Variants in CEP290 observed in about 807,000 individuals in gnomAD.
CEP290 encodes the protein centrosomal protein of 290 kDa.
In CEP290, 317 loss-of-function variants were observed where a neutral mutation model predicts 344.9. The ratio of observed to expected loss-of-function variants is 0.92; its 90% CI spans 0.84 to 1.01. The LOEUF (loss-of-function observed/expected upper bound fraction) is 1.01, where lower values mean the gene tolerates loss of function less well. CEP290 is among the 50% of genes least tolerant of loss of function. The probability of loss-of-function intolerance (pLI) is 0.00; values close to 1 mark genes in which losing one functional copy is unlikely to be tolerated. For synonymous variants in CEP290, 932 were observed against 895.8 expected, an observed-to-expected ratio of 1.04 and a Z score of -0.72; for missense variants, 2,754 against 2,761.4, an observed-to-expected ratio of 1.00 and a Z score of 0.06.
chr12:88,131,705 C>G (rs1269208269), intron 6 of CEP290, among the ~76,000 whole-genome samples: 3 of 152,044 alleles, frequency 2.0e-5, no homozygotes, highest in Non-Finnish European at 4.4e-5. Flanking sequence ...ATTTTCAAAA[C>G]TTAAGGATTT....
At chr12:88,059,063 A>T (rs766283104) in intron 48 of CEP290, 43 bp from the exon 49 acceptor site, 30 of 1,461,080 alleles carry the variant, frequency 2.1e-5, no homozygotes, top group Non-Finnish European at 2.8e-5. Flanking sequence ...AAAACATAAT[A>T]CTGTTCTCAT....
chr12:88,134,461 T>C (rs1018427393), intron 6 of CEP290, among the ~76,000 whole-genome samples: 3 of 152,212 alleles, frequency 2.0e-5, no homozygotes, highest in African/African-American at 7.2e-5. Flanking sequence ...GATCATGATA[T>C]CCTGTGCTCA....
intron 5 of CEP290, among the ~76,000 whole-genome samples, chr12:88,138,027 C>T (rs2040438368): frequency 6.6e-6 from 1 of 152,146 alleles, no homozygotes; most frequent in African/African-American, 2.4e-5. Flanking sequence ...CTCCACATAA[C>T]TTTTGTTCTA....
rs1203769698 is a variant in CEP290, at chr12:88,083,933, T to C, written c.4726A>G (p.Lys1576Glu). ...AGAATATGAAGGTCTTCCTCATGTTTCTTCACAATTTCTCTTTGCTCCTGT... is the reference window on the plus strand; with the variant it reads ...AGAATATGAAGGTCTTCCTCATGTTCCTTCACAATTTCTCTTTGCTCCTGT... ...AREEQREIVK[K>E]HEEDLHILHH... The change falls in exon 36 of 54, where the codon AAA becomes GAA. Residue 1576 changes from lysine (K) to glutamate (E), a missense_variant. Lys to Glu is a moderately conservative substitution (Grantham distance 56). Transcript: ENST00000552810. The C allele has an allele frequency of 6.3e-7, 1 of 1,592,446 alleles. No homozygotes were observed. Among genetic ancestry groups the C allele is most frequent in the Non-Finnish European group, 8.6e-7 (1 of 1,167,834 alleles).
In CEP290 at chr12:88,090,819, A is replaced by G. The variant is rs2036979094; in HGVS notation, c.3482T>C (p.Ile1161Thr). 1 of 1,555,556 alleles carries G rather than the reference A, an allele frequency of 6.4e-7. No homozygotes were observed. The highest frequency in any genetic ancestry group is 8.7e-7 in the Non-Finnish European group (1 of 1,147,380). Residue 1161 changes from isoleucine (I) to threonine (T), a missense_variant, in exon 30 of 54, where the codon ATT becomes ACT. Coordinates refer to ENST00000552810, the MANE Select transcript of CEP290 (RefSeq NM_025114.4). ...EVSKLREISD[I>T]ARRQVEILNA... ...CAAAATTTCAACTTGTCTTCTGGCAATATCAGAAATCTCTCTCAGTCTAGG... is the reference window on the plus strand; with the variant it reads ...CAAAATTTCAACTTGTCTTCTGGCAGTATCAGAAATCTCTCTCAGTCTAGG...
At chr12:88,067,098 C>A (rs1033247770) in intron 44 of CEP290, among the ~76,000 whole-genome samples, 1 of 152,022 alleles carries the variant, frequency 6.6e-6, no homozygotes, top group Non-Finnish European at 1.5e-5. Flanking sequence ...GTAGTGAGAT[C>A]TTACTTCTAA....
chr12:88,053,597 C>CA, intron 52 of CEP290, 55 bp downstream of exon 52: 1 of 767,706 alleles, frequency 1.3e-6, no homozygotes, highest in South Asian at 2.0e-5. Context: ...AAAAAAAAGG[C>CA]AAACCCAAAT....
chr12:88,055,612 T>G lies in CEP290; in HGVS notation c.6924A>C (p.Gln2308His). 6.3e-7 allele frequency: 1 copy of G among 1,579,488 alleles called. No individual in the cohort carries two copies. The highest frequency in any genetic ancestry group is 1.2e-5 in the South Asian group (1 of 85,054). ...GGTCTTCATTGTATTTGTTAACTTT[T>G]TGTTCTCTCTCTGTTGCTTCTTTTA... is the stretch of plus-strand genomic sequence containing the variant. ...QLVKEATERE[Q>H]KVNKYNEDLE... is the part of the protein sequence containing the mutation. The change falls in exon 50 of 54, where the codon CAA (glutamine) becomes CAC (histidine). Residue 2308 changes from glutamine (Q) to histidine (H), a missense_variant. Transcript: ENST00000552810.
intron 26 of CEP290, among the ~76,000 whole-genome samples, chr12:88,099,212 A>C (rs889346074): frequency 3.9e-5 from 6 of 152,194 alleles, no homozygotes; most frequent in African/African-American, 1.4e-4. Context: ...CAAAAATGGT[A>C]GGGAAAAAGA....
At chr12:88,096,550 T>A (rs896555623) in intron 27 of CEP290, among the ~76,000 whole-genome samples, 2 of 152,140 alleles carry the variant, frequency 1.3e-5, no homozygotes, top group African/African-American at 4.8e-5. Flanking sequence ...GATATATAAC[T>A]AATATAACTT....
chr12:88,059,133 T>C (rs2034255257), intron 48 of CEP290, 113 bp from the exon 49 acceptor site: 1 of 795,474 alleles, frequency 1.3e-6, no homozygotes, highest in African/African-American at 1.8e-5. Context: ...CCTGGGGCTC[T>C]AAATGCTGAT....
At position 88,083,170 on chromosome 12, in the gene CEP290, C is replaced by T. The variant is rs745621508; in HGVS notation, c.4873G>A (p.Glu1625Lys). Residue 1625 changes from glutamate (E) to lysine (K), a missense_variant, in exon 37 of 54, where the codon GAG becomes AAG. Glu to Lys is a moderately conservative substitution (Grantham distance 56, BLOSUM62 1). Transcript: ENST00000552810. ...TGTTCTGCTACTGTCTGTTCCATCTCAGCCAGACGAATAAAATGCTTGTTG... is the reference window on the plus strand; with the variant it reads ...TGTTCTGCTACTGTCTGTTCCATCTTAGCCAGACGAATAAAATGCTTGTTG... Reference protein sequence around the residue: ...PTNKHFIRLAEMEQTVAEQDD... With the variant: ...PTNKHFIRLAKMEQTVAEQDD... The T allele has an allele frequency of 1.3e-6, 2 of 1,538,818 alleles. No individual in the cohort carries two copies. Among genetic ancestry groups the T allele is most frequent in the Admixed American group, 2.1e-5 (1 of 46,886 alleles).
At chr12:88,050,149 T>C (rs2136560956) in intron 53 of CEP290, 1 of 395,066 alleles carries the variant, frequency 2.5e-6, no homozygotes, top group Non-Finnish European at 4.5e-6. Context: ...ATAAATTTAC[T>C]ACTTAATCCT....
chr12:88,140,953 A>G lies in CEP290; in HGVS notation c.180+3T>C. The G allele has an allele frequency of 6.3e-7, 1 of 1,577,250 alleles. No individual in the cohort carries two copies. Among genetic ancestry groups the G allele is most frequent in the South Asian group, 1.2e-5 (1 of 82,714 alleles). On this transcript the variant is annotated splice_donor_region_variant and intron_variant, in intron 3 of 53. Coordinates refer to ENST00000552810, the MANE Select transcript of CEP290 (RefSeq NM_025114.4). ...CTATAGTTAAAACCTACTACATACAAACCTTCATTAGTGACTGAGTAATTC... is the reference window on the plus strand; with the variant it reads ...CTATAGTTAAAACCTACTACATACAGACCTTCATTAGTGACTGAGTAATTC...
rs774352665 is a variant in CEP290 at position 88,136,718 on chromosome 12, T to C, written c.366A>G (p.Lys122=). 5 of 1,613,742 alleles carry C rather than the reference T, an allele frequency of 3.1e-6. No individual in the cohort carries two copies. In the East Asian group the frequency reaches 6.7e-5, roughly 22 times the overall value. ...ATTCTCTATCTTTTTGTTCTAATTG[T>C]TTTTCAAGTTGGCAAATTTCATTAC... ...FLRNEICQLE[K]QLEQKDRELE... The change falls in exon 6 of 54, where the codon AAA becomes AAG. Residue 122 remains lysine (K), a synonymous_variant. Coordinates refer to ENST00000552810, the MANE Select transcript of CEP290 (RefSeq NM_025114.4).
At chr12:88,098,454 C>A (rs1176870356) in intron 26 of CEP290, among the ~76,000 whole-genome samples, 1 of 151,204 alleles carries the variant, frequency 6.6e-6, no homozygotes, top group Non-Finnish European at 1.5e-5. Context: ...TACAAAAAAA[C>A]ACAAAAAATT....
At chr12:88,083,580 T>TTAGA (rs2036349724) in intron 36 of CEP290, among the ~76,000 whole-genome samples, 1 of 152,098 alleles carries the variant, frequency 6.6e-6, no homozygotes, top group South Asian at 2.1e-4. Flanking sequence ...ATTCTGGAAG[T>TTAGA]TAGATATAGC....
At chr12:88,096,372 CTAAA>C (rs2037434325) in intron 27 of CEP290, among the ~76,000 whole-genome samples, 1 of 151,870 alleles carries the variant, frequency 6.6e-6, no homozygotes, top group South Asian at 2.1e-4. Flanking sequence ...ATATTACTAT[CTAAA>C]TACAGTATAA....
At chr12:88,131,044 T>C in intron 7 of CEP290, 121 bp downstream of exon 7, 5 of 714,370 alleles carry the variant, frequency 7.0e-6, no homozygotes, top group Non-Finnish European at 1.1e-5. Flanking sequence ...ATAAAATCAG[T>C]CTGAAAACAT....
Sources: gnomAD v4.1 joint callset for allele counts (sites outside exome capture counted in the v4.1 genomes callset) on GRCh38, gnomAD v4.1.1 for gene constraint, MANE v1.5 for transcripts, NCBI Gene and HGNC (gene_info 2026-07-23, HGNC 2026-07-21) for gene names.